The following KTN1 variants were observed in gnomAD, a reference collection of about 807,000 sequenced individuals.
The protein encoded by KTN1 is kinectin 1.
In KTN1, 130 loss-of-function variants were observed where a neutral mutation model predicts 222.5. The ratio of observed to expected loss-of-function variants is 0.58; its 90% CI spans 0.51 to 0.68. The LOEUF (loss-of-function observed/expected upper bound fraction) is 0.68. Among genes scored for constraint, KTN1 ranks in the 30% least tolerant of loss-of-function variants. The pLI, the probability that KTN1 is intolerant of heterozygous loss-of-function variation, is 0.00. For synonymous variants in KTN1, 512 were observed against 496.3 expected, an observed-to-expected ratio of 1.03 and a Z score of -0.42; for missense variants, 1,508 against 1,500.4, an observed-to-expected ratio of 1.01 and a Z score of -0.08.
chr14:55,617,819 A>T, intron 3 of KTN1, 145 bp from the exon 4 acceptor site: 1 of 590,036 alleles, frequency 1.7e-6, no homozygotes, highest in Non-Finnish European at 2.9e-6. Flanking sequence ...TTGACTTGTT[A>T]AATGACGAAA....
chr14:55,613,556 C>T (rs1223798468), intron 2 of KTN1, among the ~76,000 whole-genome samples: 3 of 144,436 alleles, frequency 2.1e-5, no homozygotes, highest in South Asian at 2.2e-4. Context: ...TGCAGTGGTG[C>T]GATCTTGGCT....
chr14:55,613,011 G>A (rs935732917), intron 2 of KTN1, among the ~76,000 whole-genome samples: 5 of 152,126 alleles, frequency 3.3e-5, no homozygotes, highest in Admixed American at 1.3e-4. Flanking sequence ...AAATGATATG[G>A]TAAGAATTAA....
chr14:55,638,566 A>G (rs1002011151), intron 12 of KTN1, among the ~76,000 whole-genome samples: 5 of 150,880 alleles, frequency 3.3e-5, no homozygotes, highest in Non-Finnish European at 7.4e-5. Flanking sequence ...CTTTGACCAT[A>G]TAAATATATT....
At chr14:55,612,918 C>T (rs1295480391) in intron 2 of KTN1, among the ~76,000 whole-genome samples, 1 of 151,156 alleles carries the variant, frequency 6.6e-6, no homozygotes, top group African/African-American at 2.4e-5. Flanking sequence ...AAAAAAACCC[C>T]ATACATCTTA....
At chr14:55,624,048 CTG>C (rs1337368467) in intron 5 of KTN1, among the ~76,000 whole-genome samples, 2 of 152,152 alleles carry the variant, frequency 1.3e-5, no homozygotes. Context: ...TGTTTTGAAA[CTG>C]TTCACATTTT....
At chr14:55,633,399 C>A in intron 8 of KTN1, 58 bp downstream of exon 8, 2 of 1,019,518 alleles carry the variant, frequency 2.0e-6, no homozygotes, top group South Asian at 1.9e-5. Flanking sequence ...CTTGAATCAT[C>A]AAAATATTAA....
intron 33 of KTN1, among the ~76,000 whole-genome samples, chr14:55,666,838 A>G (rs1294537444): frequency 6.6e-6 from 1 of 151,992 alleles, no homozygotes; most frequent in Non-Finnish European, 1.5e-5. Flanking sequence ...TAATAGAGAT[A>G]TACCAGCCAA....
At chr14:55,660,152 G>A (rs1455175620) in intron 31 of KTN1, among the ~76,000 whole-genome samples, 2 of 151,974 alleles carry the variant, frequency 1.3e-5, no homozygotes, top group Admixed American at 1.3e-4. Context: ...AGACTGAGAC[G>A]GGAGGATCAC....
rs555487093 is a variant in KTN1 at position 55,619,636 on chromosome 14, C to T, written c.963+324C>T. 3.9e-5 allele frequency among the ~76,000 whole-genome samples: 6 copies of T among 151,936 alleles called. No individual in the cohort carries two copies. In the East Asian group the frequency reaches 7.7e-4, roughly 20 times the overall value. On this transcript the variant is annotated intron_variant, in intron 5 of 43. Coordinates refer to ENST00000395314, the MANE Select transcript of KTN1 (RefSeq NM_001079521.2). ...CAGGGAAGAGGGAATGAGAATCAAG[C>T]GAAAGGGGTTTCCTCTTATAAAACC...
chr14:55,661,877 C>G (rs2044183768), intron 32 of KTN1: 2 of 239,598 alleles, frequency 8.3e-6, no homozygotes, highest in African/African-American at 4.5e-5. Context: ...TTTTAAAAAG[C>G]TAAAAATGCA....
intron 28 of KTN1, among the ~76,000 whole-genome samples, chr14:55,654,598 G>T (rs1329037968): frequency 6.6e-6 from 1 of 150,694 alleles, no homozygotes; most frequent in Non-Finnish European, 1.5e-5. Flanking sequence ...TTGTGGTGGA[G>T]AACTTTTTAT....
At position 55,654,192 on chromosome 14, in the gene KTN1, G is replaced by A. The variant is rs118116507; in HGVS notation, c.2801+596G>A. Among the ~76,000 whole-genome samples the A allele has an allele frequency of 8.4e-3, 1,273 of 152,232 alleles. 5 individuals are homozygous for A. Among genetic ancestry groups the A allele is most frequent in the Non-Finnish European group, 0.014 (969 of 68,004 alleles). ...CAGCAGGTTACAATGGTGGGAAAGG[G>A]TATCTGGACCTGATCTTTTTGGCCC... On this transcript the variant is annotated intron_variant, in intron 28 of 43. Transcript: ENST00000395314.
At chr14:55,646,442 T>TTTCCTTTCCTTTCC (rs71131299) in intron 18 of KTN1, among the ~76,000 whole-genome samples, 2 of 71,550 alleles carry the variant, frequency 2.8e-5, no homozygotes, top group African/African-American at 1.1e-4. Context: ...TTTCCTTTCC[T>TTTCCTTTCCTTTCC]TTTCCTTTTC....
chr14:55,673,384 A>G (rs1431694865), intron 40 of KTN1, 129 bp downstream of exon 40: 1 of 552,148 alleles, frequency 1.8e-6, no homozygotes, highest in Non-Finnish European at 3.2e-6. Context: ...AGTCTAAGAT[A>G]ATCTTCATAT....
chr14:55,650,192 A>G (rs764136934), intron 22 of KTN1, 136 bp from the exon 23 acceptor site: 184 of 677,618 alleles, frequency 2.7e-4, no homozygotes, highest in Admixed American at 1.0e-3. Flanking sequence ...TGGCCATTCT[A>G]CAAAGACATG....
chr14:55,679,782 T>C, intron 43 of KTN1, 97 bp downstream of exon 43: 1 of 1,242,718 alleles, frequency 8.0e-7, no homozygotes, highest in Non-Finnish European at 1.2e-6. Context: ...CTAGAGGAAA[T>C]ATTCCTTCTT....
chr14:55,622,546 C>T (rs761838091), intron 5 of KTN1, among the ~76,000 whole-genome samples: 7 of 152,144 alleles, frequency 4.6e-5, no homozygotes, highest in Non-Finnish European at 1.0e-4. Context: ...GATATGTTGT[C>T]TGCTATTCAA....
intron 33 of KTN1, among the ~76,000 whole-genome samples, chr14:55,665,429 CA>C (rs1330029521): frequency 1.3e-5 from 2 of 151,924 alleles, no homozygotes; most frequent in South Asian, 2.1e-4. Context: ...TGCCTTCTTG[CA>C]TAGCTAAAGA....
intron 33 of KTN1, 37 bp downstream of exon 33, chr14:55,664,078 A>G: frequency 7.4e-7 from 1 of 1,345,846 alleles, no homozygotes; most frequent in Non-Finnish European, 1.0e-6. Flanking sequence ...TCCACTGAAC[A>G]GAGAAAATCT....
Sources: allele counts gnomAD v4.1 joint callset (sites outside exome capture counted in the v4.1 genomes callset), GRCh38; gene constraint gnomAD v4.1.1; transcripts MANE v1.5; gene names NCBI Gene and HGNC (gene_info 2026-07-23, HGNC 2026-07-21).